Variants in KCNE3 observed in about 807,000 individuals in gnomAD.
The protein encoded by KCNE3 is potassium voltage-gated channel subfamily E regulatory subunit 3, also known as potassium voltage-gated channel subfamily E member 3.
A neutral mutation model predicts 4.3 loss-of-function variants in KCNE3; 2 were observed. That is an observed-to-expected ratio of 0.47 (90% confidence interval 0.19 to 1.48). The LOEUF is 1.48. Among genes scored for constraint, KCNE3 ranks in the 40% most tolerant of loss-of-function variants. The pLI is 0.25. For missense variants in KCNE3, 128 were observed against 136.8 expected (o/e 0.94, Z 0.32); for synonymous variants, 47 against 52.0 (o/e 0.90, Z 0.41).
chr11:74,465,592 GCACACACA>G (rs146586927), intron 1 of KCNE3, among the ~76,000 whole-genome samples: 1 of 151,688 alleles, frequency 6.6e-6, no homozygotes, highest in Non-Finnish European at 1.5e-5. Flanking sequence ...CCCACCCACT[GCACACACA>G]CACACAGTCC....
At position 74,456,296 on chromosome 11, in the gene KCNE3, C is replaced by T. The variant is rs1485434540; in HGVS notation, c.*956G>A. On this transcript the variant is annotated 3_prime_UTR_variant, in exon 3 of 3. Transcript: ENST00000310128. ...GCAGTGAGCCAAGATTGGGTTGCTG[C>T]ACCACAGCCTGGGTGACATAGGGAG... 1 of 142,476 alleles carries T rather than the reference C, an allele frequency of 7.0e-6. No individual in the cohort carries two copies. The highest frequency in any genetic ancestry group is 7.1e-5 in the Admixed American group (1 of 14,150). The allele number at this position is 142,476 out of a possible 1,614,324, so 8.8% of individuals were successfully genotyped here.
chr11:74,460,248 A>G (rs1477035290), intron 2 of KCNE3, among the ~76,000 whole-genome samples: 2 of 152,190 alleles, frequency 1.3e-5, no homozygotes, highest in Non-Finnish European at 2.9e-5. Context: ...GTTCTCATCT[A>G]CTACCCCATG....
At chr11:74,460,452 A>G (rs1227932353) in intron 2 of KCNE3, among the ~76,000 whole-genome samples, 1 of 152,270 alleles carries the variant, frequency 6.6e-6, no homozygotes, top group Non-Finnish European at 1.5e-5. Flanking sequence ...TGCAGGGGAC[A>G]AGCAAAGAGC....
chr11:74,464,135 GCACTTGCCTTA>G (rs1242145176), intron 1 of KCNE3: 1 of 152,260 alleles, frequency 6.6e-6, no homozygotes, highest in Non-Finnish European at 1.5e-5. Context: ...CTCACAAACT[GCACTTGCCTTA>G]CACTTGTCCA....
In KCNE3 at chr11:74,456,155, A is replaced by AATATATATATATATATATAT. The variant is rs113583236; in HGVS notation, c.*1077_*1096dup. The AATATATATATATATATATAT allele has an allele frequency of 0.028, 3,177 of 112,554 alleles. 99 individuals carry two copies. Among genetic ancestry groups the AATATATATATATATATATAT allele is most frequent in the Non-Finnish European group, 0.04 (2,087 of 52,022 alleles). 7.0% of individuals were successfully genotyped at this position (112,554 alleles called of 1,614,324 possible). A position where few individuals can be genotyped will look rare whatever the true frequency, so the allele number is the denominator to read the frequency against. On this transcript the variant is annotated 3_prime_UTR_variant, in exon 3 of 3. Coordinates refer to ENST00000310128, the MANE Select transcript of KCNE3 (RefSeq NM_005472.5). The stretch of plus-strand genomic sequence containing the variant: ...ACATGTGAAACCCTGTCTCTACTTA[A>AATATATATATATATATATAT]ATATATATATATATATATATATATA...
intron 1 of KCNE3, among the ~76,000 whole-genome samples, chr11:74,465,166 T>C (rs1864035915): frequency 6.6e-6 from 1 of 151,946 alleles, no homozygotes; most frequent in Non-Finnish European, 1.5e-5. Flanking sequence ...CTGTGCGCTT[T>C]AAGGTAAGAG....
At chr11:74,460,652 A>G (rs1428771788) in intron 2 of KCNE3, among the ~76,000 whole-genome samples, 2 of 152,136 alleles carry the variant, frequency 1.3e-5, no homozygotes, top group Non-Finnish European at 2.9e-5. Context: ...AAGAGGTTGG[A>G]GTGTAAGATG....
intron 2 of KCNE3, among the ~76,000 whole-genome samples, chr11:74,459,523 A>C (rs142588284): frequency 1.0e-3 from 153 of 152,126 alleles, no homozygotes; most frequent in Middle Eastern, 3.4e-3. Flanking sequence ...CGGCCTCCCA[A>C]AGTGCTGGGA....
chr11:74,467,245 G>A lies in KCNE3; in HGVS notation c.-190+153C>T, dbSNP rs1008106036. Among the ~76,000 whole-genome samples, 1 of 151,784 alleles carries A rather than the reference G, an allele frequency of 6.6e-6. No homozygotes were observed. The highest frequency in any genetic ancestry group is 2.4e-5 in the African/African-American group (1 of 41,348). The stretch of plus-strand genomic sequence containing the variant: ...GATCGGGGAGGATCCGGGAGGACTA[G>A]CTTGGTATTTGCAGCGCCCACCCCT... On this transcript the variant is annotated intron_variant, in intron 1 of 2. Transcript: ENST00000310128. The surrounding 1 kb of genome is among the most constrained non-coding windows in gnomAD (Gnocchi z 4.4).
intron 2 of KCNE3, among the ~76,000 whole-genome samples, chr11:74,457,994 A>G (rs1258113187): frequency 6.6e-6 from 1 of 152,108 alleles, no homozygotes; most frequent in Non-Finnish European, 1.5e-5. Flanking sequence ...AGTCCATTAA[A>G]CTTCTTTTTC....
In KCNE3 at chr11:74,457,180, A is replaced by G. The variant is rs924962054; in HGVS notation, c.*72T>C. The G allele has an allele frequency of 2.8e-6, 4 of 1,406,250 alleles. No homozygotes were observed. In the Middle Eastern group the frequency reaches 7.2e-4, roughly 253 times the overall value. 87.1% of individuals were successfully genotyped at this position (1,406,250 alleles called of 1,614,324 possible). On this transcript the variant is annotated 3_prime_UTR_variant, in exon 3 of 3. Transcript: ENST00000310128. ...GGGACACTGAGACCTGATGCAGTCC[A>G]CAGCAGAGTTCTGGAGGCCCCAGAC...
intron 2 of KCNE3, among the ~76,000 whole-genome samples, chr11:74,461,146 T>TTATCA (rs1349892514): frequency 1.8e-4 from 27 of 152,242 alleles, no homozygotes; most frequent in Admixed American, 1.8e-3. Context: ...CCAAAAGACA[T>TTATCA]TATCATGGAG....
rs1863799604 is a variant in KCNE3, at chr11:74,455,889, G to A, written c.*1363C>T. On this transcript the variant is annotated 3_prime_UTR_variant, in exon 3 of 3. Coordinates refer to ENST00000310128, the MANE Select transcript of KCNE3 (RefSeq NM_005472.5). The stretch of plus-strand genomic sequence containing the variant: ...AATACGGGCACCCGCCACCAGGTCT[G>A]GCTAATTTTTGTATTTTTTTAGTAG... 1 of 151,580 alleles carries A rather than the reference G, an allele frequency of 6.6e-6. No individual in the cohort carries two copies. Among genetic ancestry groups the A allele is most frequent in the African/African-American group, 2.4e-5 (1 of 41,318 alleles). 9.4% of individuals were successfully genotyped at this position (151,580 alleles called of 1,614,324 possible). A position where few individuals can be genotyped will look rare whatever the true frequency, so the allele number is the denominator to read the frequency against.
chr11:74,459,452 CA>C (rs1277717240), intron 2 of KCNE3, among the ~76,000 whole-genome samples: 4 of 151,808 alleles, frequency 2.6e-5, no homozygotes, highest in Non-Finnish European at 5.9e-5. Context: ...TTAGTAGAGA[CA>C]GGGTTTCACC....
rs368978870 is a variant in KCNE3 at position 74,459,085 on chromosome 11, G to GT, written c.-40-1483dup. On this transcript the variant is annotated intron_variant, in intron 2 of 2. Transcript: ENST00000310128. The stretch of plus-strand genomic sequence containing the variant: ...GCAGCTTGGGCCTGAGGGCGGGAGA[G>GT]TGAAAGGAGTTCTCAGTCTGGCTTG... 6.3e-3 allele frequency among the ~76,000 whole-genome samples: 954 copies of GT among 152,252 alleles called. 7 individuals are homozygous for GT. Among genetic ancestry groups the GT allele is most frequent in the African/African-American group, 0.022 (905 of 41,554 alleles).
rs1025944878 is a variant in KCNE3 at position 74,458,981 on chromosome 11, G to C, written c.-40-1378C>G. ...AAAGACTAGATATTCCTAGCTATTT[G>C]TAGAAATTCTGTTGGAAAGAGGTGG... is the stretch of plus-strand genomic sequence containing the variant. On this transcript the variant is annotated intron_variant, in intron 2 of 2. Transcript: ENST00000310128. Among the ~76,000 whole-genome samples the C allele has an allele frequency of 4.6e-5, 7 of 152,260 alleles. No individual in the cohort carries two copies. In the Middle Eastern group the frequency reaches 0.01, roughly 222 times the overall value.
chr11:74,457,197 G>T lies in KCNE3; in HGVS notation c.*55C>A. Reference sequence around the variant, plus strand: ...TGCAGTCCACAGCAGAGTTCTGGAGGCCCCAGACGCAATCCCCAGGTGTCT... The same window carrying T: ...TGCAGTCCACAGCAGAGTTCTGGAGTCCCCAGACGCAATCCCCAGGTGTCT... On this transcript the variant is annotated 3_prime_UTR_variant, in exon 3 of 3. Coordinates refer to ENST00000310128, the MANE Select transcript of KCNE3 (RefSeq NM_005472.5). 6.6e-7 allele frequency: 1 copy of T among 1,519,076 alleles called. No individual in the cohort carries two copies. The highest frequency in any genetic ancestry group is 1.2e-5 in the South Asian group (1 of 86,574). The allele number at this position is 1,519,076 out of a possible 1,614,324, so 94.1% of individuals were successfully genotyped here.
In KCNE3 at chr11:74,456,927, C is replaced by A. The variant is rs1301636344; in HGVS notation, c.*325G>T. ...GTCTCATTTCCCTCTGCTACAACTTCTTCTCCGTTCTCCAATCCCCAGGCC... is the reference window on the plus strand; with the variant it reads ...GTCTCATTTCCCTCTGCTACAACTTATTCTCCGTTCTCCAATCCCCAGGCC... On this transcript the variant is annotated 3_prime_UTR_variant, in exon 3 of 3. Coordinates refer to ENST00000310128, the MANE Select transcript of KCNE3 (RefSeq NM_005472.5). The A allele has an allele frequency of 2.4e-5, 9 of 369,090 alleles. No homozygotes were observed. The highest frequency in any genetic ancestry group is 1.5e-4 in the South Asian group (5 of 33,690). 22.9% of individuals were successfully genotyped at this position (369,090 alleles called of 1,614,324 possible). A position where few individuals can be genotyped will look rare whatever the true frequency, so the allele number is the denominator to read the frequency against.
At chr11:74,458,722 T>G (rs1219123353) in intron 2 of KCNE3, among the ~76,000 whole-genome samples, 2 of 151,696 alleles carry the variant, frequency 1.3e-5, no homozygotes, top group Non-Finnish European at 2.9e-5. Flanking sequence ...TAATCCCAGC[T>G]ACTTGGGAGG....
Sources: gnomAD v4.1 joint callset for allele counts (sites outside exome capture counted in the v4.1 genomes callset) on GRCh38, gnomAD v4.1.1 for gene constraint, Gnocchi (gnomAD v3.1) non-coding constraint, MANE v1.5 for transcripts, NCBI Gene and HGNC (gene_info 2026-07-23, HGNC 2026-07-21) for gene names.